The following C7 variants were observed in gnomAD, a reference collection of about 807,000 sequenced individuals.
C7 encodes complement C7, also known as complement component C7.
In C7, 83 loss-of-function variants were observed where a neutral mutation model predicts 104.8. That is an observed-to-expected ratio of 0.79 (90% CI 0.66 to 0.95). The LOEUF is 0.95. C7 is among the 40% of genes least tolerant of loss of function. The pLI, the probability that C7 is intolerant of heterozygous loss-of-function variation, is 0.00. For synonymous variants in C7, 415 were observed against 360.6 expected, an observed-to-expected ratio of 1.15 and a Z score of -1.71; for missense variants, 1,070 against 1,011.2, an observed-to-expected ratio of 1.06 and a Z score of -0.79.
chr5:40,969,481 A>T (rs1579873086), intron 14 of C7, among the ~76,000 whole-genome samples: 3 of 152,186 alleles, frequency 2.0e-5, no homozygotes, highest in Admixed American at 2.0e-4. Context: ...GTCAGACTTT[A>T]CGTATGAAAA....
rs149632942 is a variant in C7, at chr5:40,929,301, G to A, written c.62+666G>A. ...CTGCTCAGGGTGATGTGAGAGCACA[G>A]CAGGAAGGTCAAGCAAACTTCCTCT... On this transcript the variant is annotated intron_variant, in intron 2 of 17. Coordinates refer to ENST00000313164, the MANE Select transcript of C7 (RefSeq NM_000587.4). 9.2e-5 allele frequency among the ~76,000 whole-genome samples: 14 copies of A among 152,310 alleles called. No individual in the cohort carries two copies. The East Asian group carries it at 2.7e-3, about 29-fold the overall frequency.
chr5:40,927,101 TG>T (rs1739569910), intron 1 of C7, among the ~76,000 whole-genome samples: 1 of 151,770 alleles, frequency 6.6e-6, no homozygotes, highest in Non-Finnish European at 1.5e-5. Context: ...CCCACATATA[TG>T]GTCGATTGGT....
At chr5:40,919,109 G>A (rs968671464) in intron 1 of C7, among the ~76,000 whole-genome samples, 12 of 149,558 alleles carry the variant, frequency 8.0e-5, no homozygotes, top group African/African-American at 2.8e-4. Context: ...TAAGAAGATT[G>A]AAATTATATC....
chr5:40,967,139 C>T (rs1257034561), intron 14 of C7, among the ~76,000 whole-genome samples: 4 of 150,274 alleles, frequency 2.7e-5, no homozygotes, highest in African/African-American at 9.9e-5. Flanking sequence ...GATCTTGCCT[C>T]ACTGCAACCT....
chr5:40,957,073 G>A (rs1177738454), intron 10 of C7, among the ~76,000 whole-genome samples: 6 of 152,310 alleles, frequency 3.9e-5, no homozygotes, highest in South Asian at 2.1e-4. Flanking sequence ...CAAAGCCATC[G>A]TGTTCGCAAC....
chr5:40,924,281 A>C (rs920146862), intron 1 of C7, among the ~76,000 whole-genome samples: 2 of 152,178 alleles, frequency 1.3e-5, no homozygotes, highest in African/African-American at 2.4e-5. Context: ...TAAAGCTTCA[A>C]AATAATCTCC....
At chr5:40,949,030 G>A (rs1292416331) in intron 8 of C7, among the ~76,000 whole-genome samples, 1 of 151,888 alleles carries the variant, frequency 6.6e-6, no homozygotes, top group Non-Finnish European at 1.5e-5. Context: ...CAACGACAAG[G>A]ACACTATTTC....
At chr5:40,919,346 A>G (rs1259847934) in intron 1 of C7, among the ~76,000 whole-genome samples, 1 of 152,120 alleles carries the variant, frequency 6.6e-6, no homozygotes, top group Non-Finnish European at 1.5e-5. Flanking sequence ...GCTGGACTCA[A>G]ACTCCTAACC....
intron 4 of C7, among the ~76,000 whole-genome samples, chr5:40,935,176 A>G (rs902497866): frequency 1.3e-5 from 2 of 152,220 alleles, no homozygotes; most frequent in South Asian, 2.1e-4. Flanking sequence ...CCACTCCTTC[A>G]GGAAGCCTGC....
At position 40,981,883 on chromosome 5, in the gene C7, T is replaced by G. The variant is rs1740955683; in HGVS notation, c.*310T>G. 4.6e-6 allele frequency: 1 copy of G among 217,212 alleles called. No homozygotes were observed. The highest frequency in any genetic ancestry group is 9.1e-6 in the Non-Finnish European group (1 of 109,984). The allele number at this position is 217,212 out of a possible 1,614,324, so 13.5% of individuals were successfully genotyped here. A position where few individuals can be genotyped will look rare whatever the true frequency, so the allele number is the denominator to read the frequency against. ...AATCTGTAAAATTAGAGGATTGCACTAGAGAAACTTGAATGCTCCATTCAG... is the reference window on the plus strand; with the variant it reads ...AATCTGTAAAATTAGAGGATTGCACGAGAGAAACTTGAATGCTCCATTCAG... On this transcript the variant is annotated 3_prime_UTR_variant, in exon 18 of 18. Coordinates refer to ENST00000313164, the MANE Select transcript of C7 (RefSeq NM_000587.4).
At position 40,955,367 on chromosome 5, in the gene C7, A is replaced by G. The variant is rs1392328730; in HGVS notation, c.1094-20A>G. ...ATACTTGATAGACTTTTCACTTTTC[A>G]TTTGCTTTCTTCTGTATAGGAACCC... On this transcript the variant is annotated intron_variant, in intron 9 of 17. Coordinates refer to ENST00000313164, the MANE Select transcript of C7 (RefSeq NM_000587.4). 5 of 1,559,946 alleles carry G rather than the reference A, an allele frequency of 3.2e-6. No individual in the cohort carries two copies. The highest frequency in any genetic ancestry group is 2.5e-5 in the South Asian group (2 of 79,708).
At chr5:40,960,175 C>G (rs1367551671) in intron 12 of C7, among the ~76,000 whole-genome samples, 1 of 152,022 alleles carries the variant, frequency 6.6e-6, no homozygotes, top group African/African-American at 2.4e-5. Context: ...TTGTCAGGAC[C>G]CTGCAAAAGC....
chr5:40,978,873 A>ATTCTTTTTTTTTTTTTTTTTTTTT (rs1740875158), intron 16 of C7, among the ~76,000 whole-genome samples: 1 of 80,084 alleles, frequency 1.2e-5, no homozygotes, highest in Non-Finnish European at 2.5e-5. Context: ...TTTTATGGAA[A>ATTCTTTTTTTTTTTTTTTTTTTTT]TTTTTTTTTT....
chr5:40,918,230 G>A (rs190206815), intron 1 of C7, among the ~76,000 whole-genome samples: 95 of 151,926 alleles, frequency 6.3e-4, no homozygotes, highest in African/African-American at 2.2e-3. Flanking sequence ...GTGGTGGCAC[G>A]TACCTGTGGT....
intron 6 of C7, among the ~76,000 whole-genome samples, chr5:40,938,264 T>C (rs911288349): frequency 1.3e-5 from 2 of 152,204 alleles, no homozygotes; most frequent in Non-Finnish European, 2.9e-5. Context: ...TAATTATCCT[T>C]GTTTTTTCTA....
rs564601449 is a variant in C7, at chr5:40,977,421, G to T, written c.2165+581G>T. On this transcript the variant is annotated intron_variant, in intron 16 of 17. Transcript: ENST00000313164. Reference sequence around the variant, plus strand: ...AGAAATATTTACAAAAATGTGAACAGAGGAAAGGAAACTACAAGTCCCATG... The same window carrying T: ...AGAAATATTTACAAAAATGTGAACATAGGAAAGGAAACTACAAGTCCCATG... Among the ~76,000 whole-genome samples, 7 of 152,322 alleles carry T rather than the reference G, an allele frequency of 4.6e-5. No homozygotes were observed. In the South Asian group the frequency reaches 1.5e-3, roughly 32 times the overall value.
rs769670649 is a variant in C7 at position 40,983,856 on chromosome 5, G to A, written c.*2283G>A. Among the ~76,000 whole-genome samples the A allele has an allele frequency of 2.2e-4, 34 of 152,180 alleles. No individual in the cohort carries two copies. Among genetic ancestry groups the A allele is most frequent in the Non-Finnish European group, 4.1e-4 (28 of 68,030 alleles). On this transcript the variant is annotated 3_prime_UTR_variant, in exon 18 of 18. Coordinates refer to ENST00000313164, the MANE Select transcript of C7 (RefSeq NM_000587.4). ...CCCTTTCCTGTGCCTCAGATCAGGTGAGGGTCATCTGGGTTAGAAGGGGAT... is the reference window on the plus strand; with the variant it reads ...CCCTTTCCTGTGCCTCAGATCAGGTAAGGGTCATCTGGGTTAGAAGGGGAT...
chr5:40,965,644 A>ATTTTTT, intron 14 of C7, among the ~76,000 whole-genome samples: 1 of 85,506 alleles, frequency 1.2e-5, no homozygotes, highest in African/African-American at 6.8e-5. Flanking sequence ...ATATATATAT[A>ATTTTTT]TATATTTTTT....
At chr5:40,979,682 G>A (rs201022781) in intron 16 of C7, 43 bp from the exon 17 acceptor site, 7 of 1,536,246 alleles carry the variant, frequency 4.6e-6, no homozygotes, top group South Asian at 3.6e-5. Flanking sequence ...CAGCTTTTAC[G>A]AACAAAAATC....
Sources: gnomAD v4.1 joint callset for allele counts (sites outside exome capture counted in the v4.1 genomes callset) on GRCh38, gnomAD v4.1.1 for gene constraint, MANE v1.5 for transcripts, NCBI Gene and HGNC (gene_info 2026-07-23, HGNC 2026-07-21) for gene names.